TMC1: variants seen among roughly 807,000 people sequenced by gnomAD.
TMC1 encodes the protein transmembrane channel like 1, also known as transmembrane channel-like protein 1.
TMC1 carries 84 observed loss-of-function variants against 105.8 expected under a neutral mutation model. The ratio of observed to expected loss-of-function variants is 0.79; its 90% confidence interval spans 0.67 to 0.95. TMC1 has a LOEUF of 0.95. Among genes scored for constraint, TMC1 ranks in the 40% least tolerant of loss-of-function variants. The pLI is 0.00. For missense variants in TMC1, 817 were observed against 914.1 expected, an observed-to-expected ratio of 0.89 and a Z score of 1.37; for synonymous variants, 315 against 311.5, an observed-to-expected ratio of 1.01 and a Z score of -0.12.
At chr9:72,636,344 A>G (rs561240795) in intron 4 of TMC1, among the ~76,000 whole-genome samples, 1 of 152,328 alleles carries the variant, frequency 6.6e-6, no homozygotes, top group South Asian at 2.1e-4. Context: ...GGCAGTTGGC[A>G]TCTTGTATCT....
chr9:72,672,385 C>CA (rs1826137610), intron 5 of TMC1, among the ~76,000 whole-genome samples: 1 of 151,732 alleles, frequency 6.6e-6, no homozygotes, highest in South Asian at 2.1e-4. Context: ...ATTCAATCTG[C>CA]AAAAATATTA....
chr9:72,555,746 G>C (rs911796135), intron 1 of TMC1, among the ~76,000 whole-genome samples: 1 of 151,542 alleles, frequency 6.6e-6, no homozygotes, highest in Non-Finnish European at 1.5e-5. Flanking sequence ...TCAGCCTCCC[G>C]AGTAGCTGGG....
At chr9:72,764,359 C>T (rs1053654928) in intron 12 of TMC1, among the ~76,000 whole-genome samples, 2 of 152,174 alleles carry the variant, frequency 1.3e-5, no homozygotes, top group Admixed American at 1.3e-4. Context: ...CAGAAGTCAA[C>T]CAGCCAACAA....
intron 8 of TMC1, among the ~76,000 whole-genome samples, chr9:72,721,439 C>T (rs911666386): frequency 3.3e-5 from 5 of 152,168 alleles, no homozygotes; most frequent in Admixed American, 2.6e-4. Context: ...AGCTGGGATT[C>T]TAAGCCACAC....
At chr9:72,676,801 C>G (rs1272459280) in intron 5 of TMC1, among the ~76,000 whole-genome samples, 1 of 152,016 alleles carries the variant, frequency 6.6e-6, no homozygotes, top group Non-Finnish European at 1.5e-5. Flanking sequence ...TTCTCCATGG[C>G]CGTGATCTTG....
At chr9:72,832,721 A>C (rs1330576018) in intron 23 of TMC1, among the ~76,000 whole-genome samples, 1 of 152,126 alleles carries the variant, frequency 6.6e-6, no homozygotes, top group Non-Finnish European at 1.5e-5. Context: ...GCATAAATGT[A>C]AAGTTGAATG....
chr9:72,669,976 C>A (rs1826103530), intron 5 of TMC1, among the ~76,000 whole-genome samples: 1 of 152,052 alleles, frequency 6.6e-6, no homozygotes, highest in African/African-American at 2.4e-5. Flanking sequence ...GGCCAGGGTG[C>A]AGAGAGAAGG....
chr9:72,789,308 A>C lies in TMC1; in HGVS notation c.1215A>C (p.Glu405Asp), dbSNP rs767390037. ...ATCCTGACACCCTTGGGTGGTGGGA[A>C]AAAAATGAAGTTCGTCTCTGCATGC... is the stretch of plus-strand genomic sequence containing the variant. ...QQDPDTLGWW[E>D]KNEMNMVMSL... Residue 405 changes from glutamate (E) to aspartate (D), a missense_variant, in exon 15 of 24, where the codon GAA (glutamate) becomes GAC (aspartate). Transcript: ENST00000297784. 1 of 1,614,012 alleles carries C rather than the reference A, an allele frequency of 6.2e-7. No homozygotes were observed. The highest frequency in any genetic ancestry group is 2.2e-5 in the East Asian group (1 of 44,880).
chr9:72,596,849 A>G (rs141432927), intron 2 of TMC1, among the ~76,000 whole-genome samples: 4 of 152,330 alleles, frequency 2.6e-5, no homozygotes, highest in African/African-American at 9.6e-5. Flanking sequence ...GAAGGGAAAA[A>G]GAACAAAGAA....
intron 6 of TMC1, among the ~76,000 whole-genome samples, chr9:72,693,605 T>G (rs1392424579): frequency 6.6e-6 from 1 of 152,074 alleles, no homozygotes; most frequent in Non-Finnish European, 1.5e-5. Context: ...GAAATATAAT[T>G]TTTTCTCTGG....
chr9:72,524,163 T>C (rs1049593120), intron 1 of TMC1, among the ~76,000 whole-genome samples: 11 of 152,224 alleles, frequency 7.2e-5, no homozygotes, highest in Non-Finnish European at 1.3e-4. Context: ...GAATCTTAGA[T>C]ATGTCGTTTT....
At chr9:72,674,971 GA>G (rs1826179533) in intron 5 of TMC1, among the ~76,000 whole-genome samples, 1 of 152,176 alleles carries the variant, frequency 6.6e-6, no homozygotes, top group African/African-American at 2.4e-5. Context: ...ACACAGTTGA[GA>G]CAATTTGTTG....
At chr9:72,808,914 A>T (rs1294157630) in intron 18 of TMC1, 2 of 152,240 alleles carry the variant, frequency 1.3e-5, no homozygotes, top group Non-Finnish European at 2.9e-5. Context: ...GGTACCTTTT[A>T]TAAGGTCGTC....
chr9:72,837,865 T>G lies in TMC1; in HGVS notation c.*1892T>G, dbSNP rs1172332299. On this transcript the variant is annotated 3_prime_UTR_variant, in exon 24 of 24. Coordinates refer to ENST00000297784, the MANE Select transcript of TMC1 (RefSeq NM_138691.3). Reference sequence around the variant, plus strand: ...AACTTTATTCCTCTGGTTGTCTTTTTCAGATTGACTTCCATTCTCAATCTT... The same window carrying G: ...AACTTTATTCCTCTGGTTGTCTTTTGCAGATTGACTTCCATTCTCAATCTT... The G allele has an allele frequency of 2.6e-5, 4 of 152,246 alleles. No individual in the cohort carries two copies. Among genetic ancestry groups the G allele is most frequent in the Non-Finnish European group, 5.9e-5 (4 of 68,032 alleles). 9.4% of individuals were successfully genotyped at this position (152,246 alleles called of 1,614,324 possible). A position where few individuals can be genotyped will look rare whatever the true frequency, so the allele number is the denominator to read the frequency against.
intron 13 of TMC1, among the ~76,000 whole-genome samples, chr9:72,783,512 CT>C (rs1279123935): frequency 6.6e-6 from 1 of 152,190 alleles, no homozygotes; most frequent in African/African-American, 2.4e-5. Flanking sequence ...GTTTTAGCCA[CT>C]GTGGCAGCTG....
At chr9:72,832,972 TG>T (rs1829065609) in intron 23 of TMC1, among the ~76,000 whole-genome samples, 1 of 152,172 alleles carries the variant, frequency 6.6e-6, no homozygotes, top group African/African-American at 2.4e-5. Context: ...ATTTGTTAGT[TG>T]ATTTTTAGAT....
intron 17 of TMC1, among the ~76,000 whole-genome samples, chr9:72,803,239 GA>G (rs1434098344): frequency 1.3e-5 from 2 of 152,152 alleles, no homozygotes; most frequent in African/African-American, 4.8e-5. Context: ...ACTTAGGATG[GA>G]TTAAATGCTT....
chr9:72,602,366 ATTTTTTTT>A (rs66682329), intron 2 of TMC1, among the ~76,000 whole-genome samples: 13 of 86,552 alleles, frequency 1.5e-4, no homozygotes, highest in South Asian at 4.3e-4. Context: ...CCTATTGGTG[ATTTTTTTT>A]TTTTTTTTTT....
At chr9:72,824,694 A>C (rs1420299189) in intron 20 of TMC1, among the ~76,000 whole-genome samples, 2 of 152,318 alleles carry the variant, frequency 1.3e-5, no homozygotes, top group South Asian at 2.1e-4. Flanking sequence ...AAAAGGCTAA[A>C]GTGAAGGTGT....
Sources: allele counts gnomAD v4.1 joint callset (sites outside exome capture counted in the v4.1 genomes callset), GRCh38; gene constraint gnomAD v4.1.1; transcripts MANE v1.5; gene names NCBI Gene and HGNC (gene_info 2026-07-23, HGNC 2026-07-21).